TEX11: variants seen among roughly 807,000 people sequenced by gnomAD.
TEX11 encodes testis-expressed protein 11.
A neutral mutation model predicts 84.4 loss-of-function variants in TEX11; 7 were observed. The ratio of observed to expected loss-of-function variants is 0.08; its 90% CI spans 0.05 to 0.16. The LOEUF is 0.16. Ranked by LOEUF, TEX11 falls within the 10% of genes least tolerant of loss-of-function variation. TEX11 has a pLI of 1.00. For synonymous variants in TEX11, 264 were observed against 222.8 expected (o/e 1.18, Z -1.64); for missense variants, 551 against 660.5 (o/e 0.83, Z 1.82).
chrX:70,731,611 T>C (rs1316394448), intron 11 of TEX11, among the ~76,000 whole-genome samples: 2 of 111,235 alleles, frequency 1.8e-5, no homozygotes, highest in Non-Finnish European at 3.8e-5. Context: ...CAGGAAGAAG[T>C]TGAACCTCTG....
intron 25 of TEX11, among the ~76,000 whole-genome samples, chrX:70,573,678 C>T (rs903430635): frequency 1.8e-5 from 2 of 111,729 alleles, no homozygotes; most frequent in Non-Finnish European, 3.8e-5. Flanking sequence ...GCATTCAATC[C>T]TAGTTTTGGT....
At chrX:70,512,247 T>A in the TEX11 span, among the ~76,000 whole-genome samples, 1 of 107,648 alleles carries the variant, frequency 9.3e-6, no homozygotes, top group Non-Finnish European at 1.9e-5. Flanking sequence ...TTATTATTAT[T>A]ATTTAGAGAT....
intron 17 of TEX11, among the ~76,000 whole-genome samples, chrX:70,646,220 G>A (rs1204847072): frequency 8.9e-6 from 1 of 112,120 alleles, no homozygotes; most frequent in African/African-American, 3.2e-5. Flanking sequence ...ATACCCACAT[G>A]CAGAAGAATA....
intron 28 of TEX11, among the ~76,000 whole-genome samples, chrX:70,545,121 C>T (rs748567964): frequency 1.8e-5 from 2 of 109,849 alleles, no homozygotes; most frequent in African/African-American, 3.3e-5. Flanking sequence ...AGGAAAACTG[C>T]TTGAACCCGG....
At chrX:70,779,036 C>A (rs1324068465) in intron 9 of TEX11, among the ~76,000 whole-genome samples, 1 of 110,445 alleles carries the variant, frequency 9.1e-6, no homozygotes, top group Non-Finnish European at 1.9e-5. Flanking sequence ...TCACTACAAA[C>A]ATATATATAT....
intron 4 of TEX11, among the ~76,000 whole-genome samples, chrX:70,868,433 G>A (rs1021875769): frequency 2.7e-5 from 3 of 111,509 alleles, no homozygotes; most frequent in African/African-American, 9.8e-5. Context: ...TGGTGGGAGT[G>A]TAAATTAGTT....
intron 7 of TEX11, among the ~76,000 whole-genome samples, chrX:70,840,671 A>G (rs1360442011): frequency 4.5e-5 from 5 of 111,564 alleles, no homozygotes; most frequent in African/African-American, 1.6e-4. Flanking sequence ...TCCAATTAAA[A>G]GACACAGACT....
At chrX:70,514,103 G>A in the TEX11 span, among the ~76,000 whole-genome samples, 1 of 109,417 alleles carries the variant, frequency 9.1e-6, no homozygotes, top group Non-Finnish European at 1.9e-5. Context: ...ATTATACAGT[G>A]AACTTGAATT....
chrX:70,536,327 G>A (rs2147930497), intron 28 of TEX11, among the ~76,000 whole-genome samples: 1 of 110,853 alleles, frequency 9.0e-6, no homozygotes, highest in African/African-American at 3.3e-5. Context: ...GGCCTCAAGC[G>A]ATACTCCTGC....
chrX:70,595,124 C>T (rs112256230), intron 24 of TEX11, among the ~76,000 whole-genome samples: 9,324 of 110,956 alleles, frequency 0.084, 849 homozygotes, highest in African/African-American at 0.27. Context: ...TCTTGTTGCC[C>T]GGGCTGGAGT....
intron 13 of TEX11, among the ~76,000 whole-genome samples, chrX:70,696,250 C>T (rs1215791824): frequency 1.8e-5 from 2 of 110,968 alleles, no homozygotes; most frequent in Non-Finnish European, 3.8e-5. Flanking sequence ...TGTGTGTGTA[C>T]GTGTGTGTGT....
intron 17 of TEX11, among the ~76,000 whole-genome samples, chrX:70,633,916 C>T (rs1384174626): frequency 9.0e-6 from 1 of 111,214 alleles, no homozygotes; most frequent in African/African-American, 3.3e-5. Flanking sequence ...GGTCTCGAAA[C>T]AGAACAGGTC....
chrX:70,888,322 A>C (rs1299006826), intron 2 of TEX11, among the ~76,000 whole-genome samples: 1 of 112,797 alleles, frequency 8.9e-6, no homozygotes, highest in Non-Finnish European at 1.9e-5. Flanking sequence ...AAAGAAATTC[A>C]ATATAACACA....
At chrX:70,797,358 C>T (rs4130842) in intron 9 of TEX11, among the ~76,000 whole-genome samples, 8,499 of 111,179 alleles carry the variant, frequency 0.076, 497 homozygotes, top group Admixed American at 0.28. Flanking sequence ...AACACAGAAA[C>T]ATAAAATAAT....
intron 13 of TEX11, among the ~76,000 whole-genome samples, chrX:70,710,544 ATTT>A (rs79913206): frequency 9.2e-5 from 9 of 98,359 alleles, no homozygotes; most frequent in African/African-American, 3.3e-4. Context: ...AAAAGTTCTC[ATTT>A]TTTTTTTTTT....
rs892721016 is a variant in TEX11 at position 70,620,617 on chromosome X, T to C, written c.1751+3333A>G. ...GCAATCATGCTCCTCGGTATTAATA[T>C]TTACCAAAGGAGCTAAAAAGTTACC... is the stretch of plus-strand genomic sequence containing the variant. On this transcript the variant is annotated intron_variant, in intron 20 of 29. Coordinates refer to ENST00000374333, the MANE Select transcript of TEX11 (RefSeq NM_031276.3). Among the ~76,000 whole-genome samples, 4 of 112,205 alleles carry C rather than the reference T, an allele frequency of 3.6e-5. No homozygotes were observed. The South Asian group carries it at 1.1e-3, about 31-fold the overall frequency.
chrX:70,903,888 A>G (rs1413313433), intron 2 of TEX11, among the ~76,000 whole-genome samples: 1 of 107,293 alleles, frequency 9.3e-6, no homozygotes, highest in Admixed American at 1.0e-4. Context: ...TGGAGCAATC[A>G]AGGCTCACTG....
intron 2 of TEX11, among the ~76,000 whole-genome samples, chrX:70,900,942 T>C: frequency 9.1e-6 from 1 of 109,661 alleles, no homozygotes; most frequent in East Asian, 2.8e-4. Flanking sequence ...AGACTCTGCC[T>C]CAAAAAAAGA....
At chrX:70,641,159 A>C (rs2089651896) in intron 17 of TEX11, among the ~76,000 whole-genome samples, 3 of 111,486 alleles carry the variant, frequency 2.7e-5, no homozygotes, top group Non-Finnish European at 1.9e-5. Flanking sequence ...CAAAGATCAA[A>C]AGAGACAAAG....
Sources: gnomAD v4.1 joint callset for allele counts (sites outside exome capture counted in the v4.1 genomes callset) on GRCh38, gnomAD v4.1.1 for gene constraint, MANE v1.5 for transcripts, NCBI Gene and HGNC (gene_info 2026-07-23, HGNC 2026-07-21) for gene names.